The following MIPOL1 variants were observed in gnomAD, a reference collection of about 807,000 sequenced individuals.
MIPOL1 encodes the protein mirror-image polydactyly gene 1 protein.
In MIPOL1, 57 loss-of-function variants were observed where a neutral mutation model predicts 60.9. That is an observed-to-expected ratio of 0.94 (90% CI 0.76 to 1.17). The LOEUF is 1.17. Ranked by LOEUF, MIPOL1 falls within the 50% of genes most tolerant of loss-of-function variation. MIPOL1 has a pLI of 0.00. For synonymous variants in MIPOL1, 179 were observed against 168.8 expected, an observed-to-expected ratio of 1.06 and a Z score of -0.47; for missense variants, 551 against 511.6, an observed-to-expected ratio of 1.08 and a Z score of -0.74.
chr14:37,548,933 C>G lies in MIPOL1; in HGVS notation c.*1962C>G, dbSNP rs2095554920. The G allele has an allele frequency of 6.6e-6, 1 of 151,898 alleles. No homozygotes were observed. The highest frequency in any genetic ancestry group is 2.4e-5 in the African/African-American group (1 of 41,430). 9.4% of individuals were successfully genotyped at this position (151,898 alleles called of 1,614,324 possible). A position where few individuals can be genotyped will look rare whatever the true frequency, so the allele number is the denominator to read the frequency against. On this transcript the variant is annotated 3_prime_UTR_variant, in exon 13 of 13. Coordinates refer to ENST00000684589, the MANE Select transcript of MIPOL1 (RefSeq NM_001388067.1). Reference sequence around the variant, plus strand: ...AGTTAAATTTGCAAAATAATTCTAACATCCACTATTGTTCAGTATAGGTAA... The same window carrying G: ...AGTTAAATTTGCAAAATAATTCTAAGATCCACTATTGTTCAGTATAGGTAA...
intron 7 of MIPOL1, among the ~76,000 whole-genome samples, chr14:37,299,198 C>T (rs559398626): frequency 6.8e-6 from 1 of 146,112 alleles, no homozygotes; most frequent in South Asian, 2.1e-4. Flanking sequence ...ATTGCAAGGA[C>T]AAAAAACCAA....
chr14:37,276,042 A>G (rs1035118491), intron 6 of MIPOL1, among the ~76,000 whole-genome samples: 4 of 151,324 alleles, frequency 2.6e-5, no homozygotes, highest in South Asian at 2.1e-4. Flanking sequence ...AATAAAGCCA[A>G]TATTAGGTTT....
At chr14:37,370,567 CA>C (rs1171182912) in intron 10 of MIPOL1, among the ~76,000 whole-genome samples, 7 of 152,010 alleles carry the variant, frequency 4.6e-5, no homozygotes, top group Admixed American at 6.6e-5. Flanking sequence ...AATCATGTAC[CA>C]AAATTGAGGA....
intron 1 of MIPOL1, among the ~76,000 whole-genome samples, chr14:37,227,147 C>T (rs1358012471): frequency 6.6e-6 from 1 of 152,052 alleles, no homozygotes; most frequent in Non-Finnish European, 1.5e-5. Flanking sequence ...TTCTGGAGGT[C>T]AGTAATGTGA....
intron 9 of MIPOL1, among the ~76,000 whole-genome samples, chr14:37,352,223 G>A (rs1360948593): frequency 2.9e-4 from 4 of 13,834 alleles, no homozygotes; most frequent in Non-Finnish European, 3.3e-4. Context: ...GTAGATATGC[G>A]GCGTTATTTC....
intron 7 of MIPOL1, among the ~76,000 whole-genome samples, chr14:37,306,076 T>A (rs1290208573): frequency 1.3e-5 from 2 of 152,010 alleles, no homozygotes; most frequent in Non-Finnish European, 2.9e-5. Context: ...TCTGATTTTT[T>A]AAAAATGTTT....
intron 11 of MIPOL1, among the ~76,000 whole-genome samples, chr14:37,489,842 C>T (rs1420380162): frequency 1.3e-5 from 2 of 152,160 alleles, no homozygotes; most frequent in Non-Finnish European, 2.9e-5. Flanking sequence ...TAGAGGGGCA[C>T]CCACCAGATG....
intron 11 of MIPOL1, among the ~76,000 whole-genome samples, chr14:37,427,727 T>C (rs968295629): frequency 2.6e-5 from 4 of 152,152 alleles, no homozygotes; most frequent in African/African-American, 9.7e-5. Flanking sequence ...TTAAGTTTCC[T>C]GCAAGCTCAA....
chr14:37,314,760 G>A (rs1360286728), intron 9 of MIPOL1, among the ~76,000 whole-genome samples: 4 of 152,098 alleles, frequency 2.6e-5, no homozygotes, highest in Non-Finnish European at 5.9e-5. Flanking sequence ...GAAGATAGAA[G>A]CTGTTTATTT....
rs186610405 is a variant in MIPOL1, at chr14:37,496,146, T to C, written c.1032-3762T>C. On this transcript the variant is annotated intron_variant, in intron 11 of 12. Coordinates refer to ENST00000684589, the MANE Select transcript of MIPOL1 (RefSeq NM_001388067.1). Reference sequence around the variant, plus strand: ...TCTTTAATTAGGTATTGTTGGGACGTATTTCAAAATAATAAGAGCTATCTA... The same window carrying C: ...TCTTTAATTAGGTATTGTTGGGACGCATTTCAAAATAATAAGAGCTATCTA... Among the ~76,000 whole-genome samples, 93 of 152,006 alleles carry C rather than the reference T, an allele frequency of 6.1e-4. No individual in the cohort carries two copies. In the Middle Eastern group the frequency reaches 0.031, roughly 50 times the overall value.
At chr14:37,418,542 C>A (rs1176379124) in intron 10 of MIPOL1, among the ~76,000 whole-genome samples, 2 of 152,008 alleles carry the variant, frequency 1.3e-5, no homozygotes, top group Admixed American at 6.6e-5. Context: ...CATTTGATTC[C>A]ATTATGTCAC....
At chr14:37,523,117 C>T (rs969896400) in intron 12 of MIPOL1, among the ~76,000 whole-genome samples, 4 of 152,120 alleles carry the variant, frequency 2.6e-5, no homozygotes, top group African/African-American at 7.2e-5. Flanking sequence ...TTTATGTTAA[C>T]AGTCATGTCA....
At chr14:37,350,308 C>T (rs2091261256) in intron 9 of MIPOL1, among the ~76,000 whole-genome samples, 1 of 152,112 alleles carries the variant, frequency 6.6e-6, no homozygotes, top group South Asian at 2.1e-4. Context: ...GCACTCCTGG[C>T]CTCAAGTGGT....
At chr14:37,512,309 C>T (rs1419480152) in intron 12 of MIPOL1, among the ~76,000 whole-genome samples, 3 of 152,040 alleles carry the variant, frequency 2.0e-5, no homozygotes, top group Admixed American at 1.3e-4. Flanking sequence ...TAGTTCTCTT[C>T]GAAGTGTCAA....
chr14:37,440,465 C>T (rs2094224366), intron 11 of MIPOL1, among the ~76,000 whole-genome samples: 1 of 151,960 alleles, frequency 6.6e-6, no homozygotes, highest in South Asian at 2.1e-4. Context: ...TCTATCATTC[C>T]ACTCTCTATG....
intron 12 of MIPOL1, among the ~76,000 whole-genome samples, chr14:37,537,180 A>G (rs2095509927): frequency 6.6e-6 from 1 of 152,164 alleles, no homozygotes. Context: ...GGGCCTTTTA[A>G]AATGCATTCT....
chr14:37,353,820 G>A (rs964785400), intron 9 of MIPOL1, among the ~76,000 whole-genome samples: 4 of 152,020 alleles, frequency 2.6e-5, no homozygotes, highest in South Asian at 2.1e-4. Context: ...AGTCTTGCTA[G>A]CGATCTATCA....
chr14:37,398,556 A>T (rs1304968959), intron 10 of MIPOL1, among the ~76,000 whole-genome samples: 1 of 152,276 alleles, frequency 6.6e-6, no homozygotes, highest in African/African-American at 2.4e-5. Context: ...CATCAACAAT[A>T]ATAGCCATTT....
intron 12 of MIPOL1, among the ~76,000 whole-genome samples, chr14:37,542,300 T>C (rs943892225): frequency 1.3e-5 from 2 of 152,180 alleles, no homozygotes; most frequent in African/African-American, 4.8e-5. Context: ...ATTTCTTTTC[T>C]TTATATATTT....
Sources: gnomAD v4.1 joint callset for allele counts (sites outside exome capture counted in the v4.1 genomes callset) on GRCh38, gnomAD v4.1.1 for gene constraint, MANE v1.5 for transcripts, NCBI Gene and HGNC (gene_info 2026-07-23, HGNC 2026-07-21) for gene names.